ZNF14: variants seen among roughly 807,000 people sequenced by gnomAD.
ZNF14 encodes the protein gonadotropin inducible transcription repressor-4.
In ZNF14, 9 loss-of-function variants were observed where a neutral mutation model predicts 11.3. The observed-to-expected ratio is 0.80, with a 90% CI of 0.48 to 1.39. The LOEUF (loss-of-function observed/expected upper bound fraction) is 1.39, where lower values mean the gene tolerates loss of function less well. Ranked by LOEUF, ZNF14 falls within the 40% of genes most tolerant of loss-of-function variation. ZNF14 has a pLI of 0.00. For synonymous variants in ZNF14, 239 were observed against 245.7 expected (o/e 0.97, Z 0.25); for missense variants, 711 against 763.9 (o/e 0.93, Z 0.82).
Position 19,714,713 on chromosome 19 carries a change from C to CTTTTTTTT in ZNF14, c.4-234_4-227dup, listed in dbSNP as rs3031866. Among the ~76,000 whole-genome samples, 229 of 122,820 alleles carry CTTTTTTTT rather than the reference C, an allele frequency of 1.9e-3. 3 individuals carry two copies. The highest frequency in any genetic ancestry group is 9.4e-3 in the Middle Eastern group (2 of 212). 80.6% of individuals were successfully genotyped at this position (122,820 alleles called of 152,430 possible). A position where few individuals can be genotyped will look rare whatever the true frequency, so the allele number is the denominator to read the frequency against. ...TTTTTTCTTTTTCCTTTTTCTTTTT[C>CTTTTTTTT]TTTTTTTTTTTTTTTTGAGACAGAG... On this transcript the variant is annotated intron_variant, in intron 1 of 3. Transcript: ENST00000344099.
chr19:19,714,557 G>T (rs1344281022), intron 1 of ZNF14, 70 bp from the exon 2 acceptor site: 2 of 1,530,768 alleles, frequency 1.3e-6, no homozygotes, highest in Middle Eastern at 1.8e-4. Flanking sequence ...TACTTGATTT[G>T]TAAGAAGTTC....
chr19:19,717,594 A>G (rs1296667176), intron 1 of ZNF14, among the ~76,000 whole-genome samples: 7 of 152,166 alleles, frequency 4.6e-5, no homozygotes, highest in Admixed American at 4.6e-4. Context: ...GTCATCTAGG[A>G]TCTCCTAAGA....
rs1599471464 is a variant in ZNF14, at chr19:19,725,177, C to T, written c.3+7779G>A. ...TGATGCAGTTTCTTCCTAGCATCAA[C>T]GGTCTTTACAATTTGGCATGTTTTT... On this transcript the variant is annotated intron_variant, in intron 1 of 3. Transcript: ENST00000344099. 1.5e-5 allele frequency among the ~76,000 whole-genome samples: 2 copies of T among 133,656 alleles called. 1 individual carries two copies. The highest frequency in any genetic ancestry group is 4.9e-4 in the South Asian group (2 of 4,082). The allele number at this position is 133,656 out of a possible 152,430, so 87.7% of individuals were successfully genotyped here.
chr19:19,723,126 T>C (rs1034202635), intron 1 of ZNF14, among the ~76,000 whole-genome samples: 1 of 151,924 alleles, frequency 6.6e-6, no homozygotes, highest in Admixed American at 6.6e-5. Flanking sequence ...TGAATAGGAG[T>C]GGTGAGAGAG....
rs2062386020 is a variant in ZNF14 at position 19,719,332 on chromosome 19, C to A, written c.4-4845G>T. The stretch of plus-strand genomic sequence containing the variant: ...AAAATAAATACAAGTAAAATACAAT[C>A]TCTTTTTTGTAATCTGACAGATGAG... On this transcript the variant is annotated intron_variant, in intron 1 of 3. Coordinates refer to ENST00000344099, the MANE Select transcript of ZNF14 (RefSeq NM_021030.3). Among the ~76,000 whole-genome samples the A allele has an allele frequency of 4.6e-5, 7 of 152,176 alleles. No individual in the cohort carries two copies. The South Asian group carries it at 1.4e-3, about 31-fold the overall frequency.
At chr19:19,715,074 C>G (rs2062374231) in intron 1 of ZNF14, among the ~76,000 whole-genome samples, 1 of 152,110 alleles carries the variant, frequency 6.6e-6, no homozygotes, top group Non-Finnish European at 1.5e-5. Flanking sequence ...TGGACTCAAG[C>G]TCACACTGGA....
At chr19:19,717,036 TG>T (rs2062379828) in intron 1 of ZNF14, among the ~76,000 whole-genome samples, 1 of 152,146 alleles carries the variant, frequency 6.6e-6, no homozygotes, top group Admixed American at 6.6e-5. Context: ...ACATCGACTG[TG>T]CCCTAAAATT....
chr19:19,711,881 C>T lies in ZNF14; in HGVS notation c.1400G>A (p.Arg467Lys), dbSNP rs1264745684. ...ATAGGGTTTCTCTCCAGTGTGTGAC[C>T]TTTCATGAATTCGAAAATAACTTGA... ...RCSSYFRIHERSHTGEKPYEC... is the reference protein window; with the variant it reads ...RCSSYFRIHEKSHTGEKPYEC... The change falls in exon 4 of 4, where the codon AGG (arginine) becomes AAG (lysine). Residue 467 changes from arginine to lysine, a missense_variant. Coordinates refer to ENST00000344099, the MANE Select transcript of ZNF14 (RefSeq NM_021030.3). 1 of 1,613,810 alleles carries T rather than the reference C, an allele frequency of 6.2e-7. No individual in the cohort carries two copies. Among genetic ancestry groups the T allele is most frequent in the Non-Finnish European group, 8.5e-7 (1 of 1,179,894 alleles).
chr19:19,712,192 A>G lies in ZNF14; in HGVS notation c.1089T>C (p.Tyr363=). 1 of 1,614,100 alleles carries G rather than the reference A, an allele frequency of 6.2e-7. No individual in the cohort carries two copies. The highest frequency in any genetic ancestry group is 8.5e-7 in the Non-Finnish European group (1 of 1,180,018). The change falls in exon 4 of 4, where the codon TAT becomes TAC. Residue 363 remains tyrosine (Y), a synonymous_variant. Coordinates refer to ENST00000344099, the MANE Select transcript of ZNF14 (RefSeq NM_021030.3). ...HERTHIGEKP[Y]ECKRCGKSFS... ...ATGATTTGCCACATCGTTTACATTCATATGGTTTTTCTCCAATATGAGTTC... is the reference window on the plus strand; with the variant it reads ...ATGATTTGCCACATCGTTTACATTCGTATGGTTTTTCTCCAATATGAGTTC...
chr19:19,714,395 C>T lies in ZNF14; in HGVS notation c.96G>A (p.Val32=). Reference sequence around the variant, plus strand: ...CCAGGTTTTTGAAGGTCTCCTGCATCACATCTTCATAGAGCTTTTTCTGTG... The same window carrying T: ...CCAGGTTTTTGAAGGTCTCCTGCATTACATCTTCATAGAGCTTTTTCTGTG... ...DSSQKKLYED[V]MQETFKNLVC... Residue 32 remains valine (V), a synonymous_variant, in exon 2 of 4, where the codon GTG becomes GTA. Coordinates refer to ENST00000344099, the MANE Select transcript of ZNF14 (RefSeq NM_021030.3). The T allele has an allele frequency of 6.2e-7, 1 of 1,614,112 alleles. No homozygotes were observed. The highest frequency in any genetic ancestry group is 8.5e-7 in the Non-Finnish European group (1 of 1,180,018).
At chr19:19,732,440 A>G (rs1163107248) in intron 1 of ZNF14, among the ~76,000 whole-genome samples, 1 of 152,212 alleles carries the variant, frequency 6.6e-6, no homozygotes, top group East Asian at 1.9e-4. Flanking sequence ...CAGAAGGTCA[A>G]AAACACCCCC....
chr19:19,728,637 G>A (rs868160237), intron 1 of ZNF14, among the ~76,000 whole-genome samples: 12 of 130,510 alleles, frequency 9.2e-5, no homozygotes, highest in African/African-American at 2.6e-4. Context: ...ATCTGAACTC[G>A]AAGGAAGTAA....
rs746967475 is a variant in ZNF14 at position 19,727,171 on chromosome 19, TG to T, written c.3+5784del. ...ATTGCTCATGCAGGGAGCTGTAGAC[TG>T]GAGCTGTTCCTATTTGGCCATCTTG... On this transcript the variant is annotated intron_variant, in intron 1 of 3. Transcript: ENST00000344099. 1.2e-4 allele frequency among the ~76,000 whole-genome samples: 16 copies of T among 134,018 alleles called. 2 individuals carry two copies. Among genetic ancestry groups the T allele is most frequent in the Admixed American group, 2.2e-4 (3 of 13,600 alleles). The allele number at this position is 134,018 out of a possible 152,430, so 87.9% of individuals were successfully genotyped here. A position where few individuals can be genotyped will look rare whatever the true frequency, so the allele number is the denominator to read the frequency against.
At position 19,714,167 on chromosome 19, in the gene ZNF14, A is replaced by C; in HGVS notation, c.131-16T>G. The C allele has an allele frequency of 6.2e-7, 1 of 1,610,328 alleles. No homozygotes were observed. Among genetic ancestry groups the C allele is most frequent in the Non-Finnish European group, 8.5e-7 (1 of 1,178,600 alleles). On this transcript the variant is annotated splice_polypyrimidine_tract_variant and intron_variant, in intron 2 of 3. Transcript: ENST00000344099. ...CACTTTTTTCCTAAAATGCATACCC[A>C]GAAAGACCATTAAAAATTATTAGAA...
rs202001283 is a variant in ZNF14, at chr19:19,711,536, G to A, written c.1745C>T (p.Thr582Met). 5.1e-5 allele frequency: 83 copies of A among 1,613,056 alleles called. No homozygotes were observed. Among genetic ancestry groups the A allele is most frequent in the African/African-American group, 1.5e-4 (11 of 74,848 alleles). ...TTTACATCGATAGGGTTTCTCTCCC[G>A]TGTGAGTTCTCTCATGCATTCGAAA... Reference protein sequence around the residue: ...SKFRMHERTHTGEKPYRCKQC... With the variant: ...SKFRMHERTHMGEKPYRCKQC... The change falls in exon 4 of 4, where the codon ACG (threonine) becomes ATG (methionine). Residue 582 changes from threonine to methionine, a missense_variant. Transcript: ENST00000344099.
At chr19:19,716,947 A>G (rs2062379452) in intron 1 of ZNF14, among the ~76,000 whole-genome samples, 1 of 152,224 alleles carries the variant, frequency 6.6e-6, no homozygotes, top group Non-Finnish European at 1.5e-5. Context: ...ACACAGAAGC[A>G]TGTGTGAAGG....
At chr19:19,728,344 C>T (rs1320621080) in intron 1 of ZNF14, among the ~76,000 whole-genome samples, 2 of 126,546 alleles carry the variant, frequency 1.6e-5, no homozygotes, top group African/African-American at 3.0e-5. Flanking sequence ...GGTGAAATCC[C>T]GACTCTAATA....
chr19:19,715,213 A>T (rs1187739726), intron 1 of ZNF14, among the ~76,000 whole-genome samples: 1 of 152,200 alleles, frequency 6.6e-6, no homozygotes, highest in African/African-American at 2.4e-5. Flanking sequence ...ATCAATCTGG[A>T]TAAGGTTTTA....
At chr19:19,715,469 A>G (rs1401917280) in intron 1 of ZNF14, among the ~76,000 whole-genome samples, 1 of 152,214 alleles carries the variant, frequency 6.6e-6, no homozygotes, top group Non-Finnish European at 1.5e-5. Flanking sequence ...TGAGCCCCAA[A>G]CAGAGTCAAG....
Sources: gnomAD v4.1 joint callset for allele counts (sites outside exome capture counted in the v4.1 genomes callset) on GRCh38, gnomAD v4.1.1 for gene constraint, MANE v1.5 for transcripts, NCBI Gene and HGNC (gene_info 2026-07-23, HGNC 2026-07-21) for gene names.